Variants in GYS2 observed in about 807,000 individuals in gnomAD.
GYS2 encodes the protein glycogen [starch] synthase, liver.
GYS2 carries 80 observed loss-of-function variants against 85.6 expected under a neutral mutation model. That is an observed-to-expected ratio of 0.93 (90% confidence interval 0.78 to 1.13). The LOEUF (loss-of-function observed/expected upper bound fraction) is 1.13, where lower values mean the gene tolerates loss of function less well. GYS2 is among the 50% of genes most tolerant of loss of function. The pLI, the probability that GYS2 is intolerant of heterozygous loss-of-function variation, is 0.00. For synonymous variants in GYS2, 328 were observed against 300.7 expected, an observed-to-expected ratio of 1.09 and a Z score of -0.94; for missense variants, 881 against 854.9, an observed-to-expected ratio of 1.03 and a Z score of -0.38.
intron 8 of GYS2, among the ~76,000 whole-genome samples, chr12:21,560,120 A>T (rs1871140): frequency 0.75 from 113,460 of 152,076 alleles, 42,591 homozygotes; most frequent in South Asian, 0.8. Context: ...ATAGAAAGTT[A>T]AAAAATGTTT....
chr12:21,551,659 C>T lies in GYS2; in HGVS notation c.1423-5189G>A, dbSNP rs34462155. Reference sequence around the variant, plus strand: ...CTTAAGAATAAAATGATATGCAAACCCCAGTACTTAAGAATTCAATCACAG... The same window carrying T: ...CTTAAGAATAAAATGATATGCAAACTCCAGTACTTAAGAATTCAATCACAG... On this transcript the variant is annotated intron_variant, in intron 11 of 15. Coordinates refer to ENST00000261195, the MANE Select transcript of GYS2 (RefSeq NM_021957.4). Among the ~76,000 whole-genome samples, 811 of 151,962 alleles carry T rather than the reference C, an allele frequency of 5.3e-3. 5 individuals carry two copies. Among genetic ancestry groups the T allele is most frequent in the Middle Eastern group, 0.02 (6 of 294 alleles).
chr12:21,583,757 T>C (rs571305158), intron 1 of GYS2, among the ~76,000 whole-genome samples: 1 of 152,332 alleles, frequency 6.6e-6, no homozygotes, highest in South Asian at 2.1e-4. Context: ...CCATGTGACC[T>C]GAACTGCCTA....
At chr12:21,558,155 A>C (rs750526418) in intron 11 of GYS2, 45 bp downstream of exon 11, 1 of 1,088,936 alleles carries the variant, frequency 9.2e-7, no homozygotes, top group Non-Finnish European at 1.4e-6. Flanking sequence ...CAGAAAATAT[A>C]TTTTAAGTAA....
At chr12:21,539,215 A>T in intron 15 of GYS2, 43 bp downstream of exon 15, 2 of 1,074,996 alleles carry the variant, frequency 1.9e-6, no homozygotes, top group Non-Finnish European at 2.8e-6. Flanking sequence ...TAAACTTATA[A>T]AAAGAAATAT....
At chr12:21,558,424 T>A (rs1944209792) in intron 10 of GYS2, 111 bp from the exon 11 acceptor site, 1 of 719,508 alleles carries the variant, frequency 1.4e-6, no homozygotes, top group Non-Finnish European at 2.5e-6. Context: ...TTCAGTCTTT[T>A]GAGATGGCAC....
chr12:21,538,479 T>C (rs186036249), intron 15 of GYS2, among the ~76,000 whole-genome samples: 2 of 152,326 alleles, frequency 1.3e-5, no homozygotes, highest in Admixed American at 1.3e-4. Flanking sequence ...GCATATTCCT[T>C]GCAGGGAGCA....
At chr12:21,571,609 C>T (rs1944385924) in intron 4 of GYS2, among the ~76,000 whole-genome samples, 1 of 152,072 alleles carries the variant, frequency 6.6e-6, no homozygotes, top group African/African-American at 2.4e-5. Context: ...CTTCCTTCCC[C>T]ATTTTCCAAT....
At chr12:21,558,531 G>A (rs375779575) in intron 10 of GYS2, among the ~76,000 whole-genome samples, 5 of 152,164 alleles carry the variant, frequency 3.3e-5, no homozygotes, top group South Asian at 2.1e-4. Flanking sequence ...TTTGTTTTCC[G>A]CCTGCAGCTA....
chr12:21,570,395 G>C lies in GYS2; in HGVS notation c.679-1386C>G, dbSNP rs147380318. 2.8e-3 allele frequency among the ~76,000 whole-genome samples: 423 copies of C among 152,334 alleles called. 4 individuals are homozygous for C. The highest frequency in any genetic ancestry group is 5.0e-3 in the Non-Finnish European group (341 of 68,026). On this transcript the variant is annotated intron_variant, in intron 4 of 15. Transcript: ENST00000261195. ...ATGAAATGAGTATGTGTCTGAATAA[G>C]TTATAGGATCAAAGCAGCACTGATT...
At chr12:21,569,996 C>T (rs1944367505) in intron 4 of GYS2, among the ~76,000 whole-genome samples, 1 of 152,140 alleles carries the variant, frequency 6.6e-6, no homozygotes, top group Non-Finnish European at 1.5e-5. Flanking sequence ...TTAATGAATA[C>T]AGTCTTGTAT....
At chr12:21,558,362 G>C in intron 10 of GYS2, 49 bp from the exon 11 acceptor site, 2 of 1,177,318 alleles carry the variant, frequency 1.7e-6, no homozygotes, top group East Asian at 2.3e-5. Flanking sequence ...GAATTAATAA[G>C]GGTGACTAAT....
chr12:21,562,118 G>A (rs926857472), intron 7 of GYS2, among the ~76,000 whole-genome samples: 11 of 152,050 alleles, frequency 7.2e-5, no homozygotes, highest in African/African-American at 2.7e-4. Flanking sequence ...ATATTGTGTT[G>A]CTCGGTTAGT....
At chr12:21,602,492 C>T (rs914861286) in intron 1 of GYS2, among the ~76,000 whole-genome samples, 1 of 151,932 alleles carries the variant, frequency 6.6e-6, no homozygotes, top group Non-Finnish European at 1.5e-5. Flanking sequence ...TAGGAATAAA[C>T]ACAATAATTA....
intron 11 of GYS2, among the ~76,000 whole-genome samples, chr12:21,552,463 G>C (rs1944123836): frequency 1.3e-5 from 2 of 152,166 alleles, no homozygotes; most frequent in Admixed American, 1.3e-4. Flanking sequence ...TCTTTAAGCA[G>C]GTGATTAAAT....
intron 14 of GYS2, among the ~76,000 whole-genome samples, chr12:21,539,650 G>T (rs1384321013): frequency 6.6e-6 from 1 of 152,158 alleles, no homozygotes; most frequent in Non-Finnish European, 1.5e-5. Flanking sequence ...AGTGTGGCAT[G>T]GAGAAAAGAT....
chr12:21,540,536 A>G lies in GYS2; in HGVS notation c.1683T>C (p.Asp561=), dbSNP rs1266852894. 6.2e-7 allele frequency: 1 copy of G among 1,614,076 alleles called. No individual in the cohort carries two copies. The highest frequency in any genetic ancestry group is 1.7e-5 in the Admixed American group (1 of 60,026). ...ACTTAGTCAGCTGATTGCAAGAATC[A>G]TCTGGAGAACGGAACCGCCTGTCAA... is the stretch of plus-strand genomic sequence containing the variant. The part of the protein sequence containing the change: ...YIVDRRFRSP[D]DSCNQLTKFL... The change falls in exon 14 of 16, where the codon GAT becomes GAC. Residue 561 remains aspartate (D), a synonymous_variant. Transcript: ENST00000261195.
At chr12:21,592,567 G>A (rs1355716527) in intron 1 of GYS2, among the ~76,000 whole-genome samples, 1 of 151,870 alleles carries the variant, frequency 6.6e-6, no homozygotes, top group African/African-American at 2.4e-5. Flanking sequence ...ATGATAAAAG[G>A]AACAATTCAG....
chr12:21,591,383 G>T (rs1944637212), intron 1 of GYS2, among the ~76,000 whole-genome samples: 1 of 151,800 alleles, frequency 6.6e-6, no homozygotes, highest in African/African-American at 2.4e-5. Context: ...CAATAGATCA[G>T]ATCAAGCAGA....
chr12:21,556,526 C>T (rs1484264665), intron 11 of GYS2, among the ~76,000 whole-genome samples: 1 of 152,186 alleles, frequency 6.6e-6, no homozygotes, highest in East Asian at 1.9e-4. Flanking sequence ...CACTGCTGCC[C>T]ATGCACCAAT....
Sources: allele counts gnomAD v4.1 joint callset (sites outside exome capture counted in the v4.1 genomes callset), GRCh38; gene constraint gnomAD v4.1.1; transcripts MANE v1.5; gene names NCBI Gene and HGNC (gene_info 2026-07-23, HGNC 2026-07-21).